CCSER1: variants seen among roughly 807,000 people sequenced by gnomAD.
CCSER1 encodes the protein serine-rich coiled-coil domain-containing protein 1.
In CCSER1, 41 loss-of-function variants were observed where a neutral mutation model predicts 82.0. The observed-to-expected ratio is 0.50, with a 90% CI of 0.39 to 0.65. CCSER1 has a LOEUF of 0.65. Ranked by LOEUF, CCSER1 falls within the 30% of genes least tolerant of loss-of-function variation. CCSER1 has a pLI of 0.00. For missense variants in CCSER1, 1,119 were observed against 1,064.2 expected (o/e 1.05, Z -0.72); for synonymous variants, 414 against 383.9 (o/e 1.08, Z -0.92).
At chr4:90,897,583 G>A (rs1723905977) in intron 8 of CCSER1, among the ~76,000 whole-genome samples, 1 of 151,994 alleles carries the variant, frequency 6.6e-6, no homozygotes, top group African/African-American at 2.4e-5. Context: ...ATTGTGAATA[G>A]TGCTGCAGTA....
At chr4:91,039,100 C>T (rs1388718233) in intron 9 of CCSER1, among the ~76,000 whole-genome samples, 1 of 152,174 alleles carries the variant, frequency 6.6e-6, no homozygotes, top group Admixed American at 6.5e-5. Flanking sequence ...ACAATCATAG[C>T]TCACTGCAGC....
At chr4:90,872,832 TTGTC>T (rs965099051) in intron 8 of CCSER1, among the ~76,000 whole-genome samples, 27 of 152,172 alleles carry the variant, frequency 1.8e-4, no homozygotes, top group Admixed American at 1.4e-3. Context: ...CAAATTTTGT[TTGTC>T]TGGGAAAGAC....
chr4:91,593,466 G>GTTTTTTTTTTTTTTT (rs1308070910), intron 10 of CCSER1, among the ~76,000 whole-genome samples: 4 of 75,456 alleles, frequency 5.3e-5, no homozygotes, highest in South Asian at 3.4e-4. Context: ...TCAACCCCGT[G>GTTTTTTTTTTTTTTT]CTTTTTTTTT....
chr4:90,396,536 T>C (rs1025987628), intron 3 of CCSER1, among the ~76,000 whole-genome samples: 3 of 152,226 alleles, frequency 2.0e-5, no homozygotes, highest in Non-Finnish European at 2.9e-5. Context: ...ATTTGTATTT[T>C]TTAAATTAGT....
intron 10 of CCSER1, among the ~76,000 whole-genome samples, chr4:91,132,038 A>G (rs1204574224): frequency 5.3e-5 from 8 of 152,080 alleles, no homozygotes; most frequent in Admixed American, 5.3e-4. Flanking sequence ...TTCAGACAGC[A>G]TAGCTAGATT....
At chr4:90,822,816 A>C (rs2149793215) in intron 8 of CCSER1, among the ~76,000 whole-genome samples, 1 of 152,194 alleles carries the variant, frequency 6.6e-6, no homozygotes, top group African/African-American at 2.4e-5. Context: ...TGAAAAAGTA[A>C]GTTTATTAGC....
chr4:90,783,919 A>T (rs1754137081), intron 7 of CCSER1, among the ~76,000 whole-genome samples: 1 of 152,192 alleles, frequency 6.6e-6, no homozygotes, highest in Non-Finnish European at 1.5e-5. Flanking sequence ...GGACTCCAGT[A>T]TAATAAGTGA....
chr4:90,262,542 T>C (rs1172764106), intron 1 of CCSER1, among the ~76,000 whole-genome samples: 2 of 152,154 alleles, frequency 1.3e-5, no homozygotes, highest in East Asian at 3.9e-4. Flanking sequence ...ATTTACTGAG[T>C]TAATGGTTCA....
intron 5 of CCSER1, among the ~76,000 whole-genome samples, chr4:90,520,007 G>C (rs1298711601): frequency 6.6e-6 from 1 of 151,986 alleles, no homozygotes; most frequent in Non-Finnish European, 1.5e-5. Flanking sequence ...ATATAAATTT[G>C]TGTGCCACCA....
chr4:90,179,805 A>G (rs1006445867), intron 1 of CCSER1, among the ~76,000 whole-genome samples: 5 of 151,700 alleles, frequency 3.3e-5, no homozygotes, highest in Non-Finnish European at 7.4e-5. Context: ...CCCTTTACTC[A>G]ATTAAACTGT....
At chr4:90,285,114 T>G (rs1051027518) in intron 1 of CCSER1, among the ~76,000 whole-genome samples, 2 of 152,128 alleles carry the variant, frequency 1.3e-5, no homozygotes, top group African/African-American at 4.8e-5. Context: ...TTGCTCAGAA[T>G]TGCTTTGGCT....
chr4:90,896,593 G>A (rs1723753126), intron 8 of CCSER1, among the ~76,000 whole-genome samples: 1 of 151,866 alleles, frequency 6.6e-6, no homozygotes, highest in African/African-American at 2.4e-5. Flanking sequence ...ATTTTCCCTT[G>A]CTAGTAAGCC....
chr4:90,623,464 G>A (rs1264395213), intron 5 of CCSER1, among the ~76,000 whole-genome samples: 1 of 152,184 alleles, frequency 6.6e-6, no homozygotes, highest in Non-Finnish European at 1.5e-5. Flanking sequence ...CAAAGAGGCA[G>A]CTGTTAAGAG....
chr4:90,183,955 G>T (rs908389698), intron 1 of CCSER1, among the ~76,000 whole-genome samples: 1 of 152,044 alleles, frequency 6.6e-6, no homozygotes, highest in African/African-American at 2.4e-5. Context: ...GATGTATGTT[G>T]CTTGTGCCCC....
At chr4:91,335,121 ATTCTCCAGGC>A (rs1483617455) in intron 10 of CCSER1, among the ~76,000 whole-genome samples, 1 of 152,056 alleles carries the variant, frequency 6.6e-6, no homozygotes, top group Non-Finnish European at 1.5e-5. Context: ...TGGAGCCTGG[ATTCTCCAGGC>A]TCTTTATAGA....
At chr4:91,459,739 G>A (rs1321733033) in intron 10 of CCSER1, among the ~76,000 whole-genome samples, 3 of 152,100 alleles carry the variant, frequency 2.0e-5, no homozygotes, top group Non-Finnish European at 4.4e-5. Context: ...TCAAATGTCT[G>A]TGGCCTTAAC....
chr4:90,419,540 C>A (rs908184667), intron 4 of CCSER1, among the ~76,000 whole-genome samples: 1 of 151,758 alleles, frequency 6.6e-6, no homozygotes, highest in African/African-American at 2.4e-5. Flanking sequence ...TTTTTCTAGA[C>A]CTTGATGCTT....
Sources: gnomAD v4.1 joint callset for allele counts (sites outside exome capture counted in the v4.1 genomes callset) on GRCh38, gnomAD v4.1.1 for gene constraint, MANE v1.5 for transcripts, NCBI Gene and HGNC (gene_info 2026-07-23, HGNC 2026-07-21) for gene names.